Variants in LAD1 observed in about 807,000 individuals in gnomAD.
LAD1 encodes ladinin-1.
In LAD1, 53 loss-of-function variants were observed where a neutral mutation model predicts 54.2. The observed-to-expected ratio is 0.98, with a 90% CI of 0.78 to 1.23. The LOEUF (loss-of-function observed/expected upper bound fraction) is 1.23. Ranked by LOEUF, LAD1 falls within the 50% of genes most tolerant of loss-of-function variation. The probability of loss-of-function intolerance (pLI) is 0.00; values close to 1 mark genes in which losing one functional copy is unlikely to be tolerated. For missense variants in LAD1, 637 were observed against 653.3 expected, an observed-to-expected ratio of 0.98 and a Z score of 0.27; for synonymous variants, 231 against 257.7, an observed-to-expected ratio of 0.90 and a Z score of 0.99.
Position 201,386,466 on chromosome 1 carries a change from C to CA in LAD1, c.894dup (p.Gly299TrpfsTer132). 2 of 1,550,446 alleles carry CA rather than the reference C, an allele frequency of 1.3e-6. No individual in the cohort carries two copies. The highest frequency in any genetic ancestry group is 1.7e-6 in the Non-Finnish European group (2 of 1,154,514). On this transcript the variant is annotated frameshift_variant, in exon 3 of 10. Coordinates refer to ENST00000391967, the MANE Select transcript of LAD1 (RefSeq NM_005558.4). LOFTEE classifies it high-confidence loss of function. ...TCCTTGGTGGTGGCTGGGCTTCCCC[C>CA]AGAGGCTGGCGGCTCCTGCGCCAGG... is the stretch of plus-strand genomic sequence containing the variant.
In LAD1 at chr1:201,381,685, C is replaced by A; in HGVS notation, c.*203G>T. On this transcript the variant is annotated 3_prime_UTR_variant, in exon 10 of 10. Transcript: ENST00000391967. Reference sequence around the variant, plus strand: ...TGTGCCTGCCGCAGGGTGAGAAAGTCCCAGCCCCAAGAGGCTGGGCTGGGA... The same window carrying A: ...TGTGCCTGCCGCAGGGTGAGAAAGTACCAGCCCCAAGAGGCTGGGCTGGGA... The A allele has an allele frequency of 3.0e-6, 2 of 658,902 alleles. No individual in the cohort carries two copies. Among genetic ancestry groups the A allele is most frequent in the Non-Finnish European group, 2.8e-6 (1 of 360,994 alleles). The allele number at this position is 658,902 out of a possible 1,614,324, so 40.8% of individuals were successfully genotyped here.
At chr1:201,388,844 C>G (rs1662143663) in intron 2 of LAD1, among the ~76,000 whole-genome samples, 1 of 152,212 alleles carries the variant, frequency 6.6e-6, no homozygotes, top group Non-Finnish European at 1.5e-5. Flanking sequence ...CTTTTCAACC[C>G]TGTTACTCCA....
At chr1:201,392,780 G>A (rs1300146549) in intron 1 of LAD1, among the ~76,000 whole-genome samples, 1 of 151,562 alleles carries the variant, frequency 6.6e-6, no homozygotes, top group Non-Finnish European at 1.5e-5. Flanking sequence ...AATCTCTCTG[G>A]CTGCTGTATG....
chr1:201,391,699 C>T (rs181991779), intron 1 of LAD1, among the ~76,000 whole-genome samples: 14 of 152,286 alleles, frequency 9.2e-5, no homozygotes, highest in Admixed American at 9.2e-4. Context: ...AGAGATGAAC[C>T]GGGCTGCATC....
intron 9 of LAD1, 90 bp downstream of exon 9, chr1:201,382,162 C>A: frequency 8.7e-7 from 1 of 1,146,604 alleles, no homozygotes; most frequent in Non-Finnish European, 1.3e-6. Flanking sequence ...CGATTGCAGG[C>A]CAATTAGTGT....
chr1:201,385,911 T>A (rs959391663), intron 3 of LAD1, 106 bp from the exon 4 acceptor site: 26 of 817,606 alleles, frequency 3.2e-5, no homozygotes, highest in Non-Finnish European at 5.1e-5. Flanking sequence ...GAGGGGAGAA[T>A]GAGACAGCCC....
chr1:201,390,283 C>T (rs1028032015), intron 1 of LAD1, among the ~76,000 whole-genome samples: 4 of 151,056 alleles, frequency 2.6e-5, no homozygotes, highest in Non-Finnish European at 5.9e-5. Flanking sequence ...CGGTGGCTCA[C>T]ACCTGTAATC....
rs1661960001 is a variant in LAD1 at position 201,381,574 on chromosome 1, A to G, written c.*314T>C. ...ACTGTGGATGTGAGCAGGAAGGAGCAGAGGTCTCTGGGCAGGACATAGGCC... is the reference window on the plus strand; with the variant it reads ...ACTGTGGATGTGAGCAGGAAGGAGCGGAGGTCTCTGGGCAGGACATAGGCC... On this transcript the variant is annotated 3_prime_UTR_variant, in exon 10 of 10. Transcript: ENST00000391967. 1 of 463,466 alleles carries G rather than the reference A, an allele frequency of 2.2e-6. No homozygotes were observed. The highest frequency in any genetic ancestry group is 2.0e-5 in the African/African-American group (1 of 49,912). 28.7% of individuals were successfully genotyped at this position (463,466 alleles called of 1,614,324 possible).
intron 8 of LAD1, 125 bp downstream of exon 8, chr1:201,382,526 CCT>C: frequency 1.3e-6 from 1 of 773,348 alleles, no homozygotes; most frequent in Non-Finnish European, 2.0e-6. Flanking sequence ...TGAAATGACT[CCT>C]CCTCTCCCGA....
chr1:201,388,920 A>G (rs1348523483), intron 2 of LAD1, among the ~76,000 whole-genome samples: 3 of 152,204 alleles, frequency 2.0e-5, no homozygotes, highest in African/African-American at 4.8e-5. Context: ...AGCTATGGCC[A>G]TAAAATGTCC....
chr1:201,396,151 C>T (rs968509512), intron 1 of LAD1, among the ~76,000 whole-genome samples: 9 of 152,202 alleles, frequency 5.9e-5, no homozygotes, highest in South Asian at 4.1e-4. Context: ...CGAACAGCTG[C>T]GGAGGCTCAG....
Position 201,381,817 on chromosome 1 carries a change from G to A in LAD1, c.*71C>T. ...CAATGAGAGGAAAGGGTGCTGCTGT[G>A]AGAGGCAGGGGCCTGGCATGAGGGA... On this transcript the variant is annotated 3_prime_UTR_variant, in exon 10 of 10. Transcript: ENST00000391967. 2.6e-6 allele frequency: 4 copies of A among 1,516,240 alleles called. No individual in the cohort carries two copies. The highest frequency in any genetic ancestry group is 3.7e-6 in the Non-Finnish European group (4 of 1,090,816). The allele number at this position is 1,516,240 out of a possible 1,614,324, so 93.9% of individuals were successfully genotyped here.
In LAD1 at chr1:201,386,924, A is replaced by G; in HGVS notation, c.437T>C (p.Leu146Pro). 1 of 1,613,384 alleles carries G rather than the reference A, an allele frequency of 6.2e-7. No individual in the cohort carries two copies. Among genetic ancestry groups the G allele is most frequent in the Non-Finnish European group, 8.5e-7 (1 of 1,179,876 alleles). Residue 146 changes from leucine to proline, a missense_variant, in exon 3 of 10, where the codon CTG becomes CCG. Leu to Pro is a moderately conservative substitution (Grantham distance 98). Transcript: ENST00000391967. The stretch of plus-strand genomic sequence containing the variant: ...CCAGGGGCCCCGCTGTTCCCGACTC[A>G]GTCTCCGGCGAGGTGGGATTTCCAG... ...KELEIPPRRRLSREQRGPWAL... is the reference protein window; with the variant it reads ...KELEIPPRRRPSREQRGPWAL...
At chr1:201,391,813 C>T (rs1349279774) in intron 1 of LAD1, among the ~76,000 whole-genome samples, 3 of 152,118 alleles carry the variant, frequency 2.0e-5, no homozygotes, top group African/African-American at 2.4e-5. Context: ...AGCTTCACCC[C>T]GGGAGACAGG....
chr1:201,397,913 T>C (rs1662329139), intron 1 of LAD1, among the ~76,000 whole-genome samples: 1 of 152,140 alleles, frequency 6.6e-6, no homozygotes, highest in South Asian at 2.1e-4. Flanking sequence ...CTGACCCACA[T>C]GCAAAGTCCA....
chr1:201,381,637 A>T lies in LAD1; in HGVS notation c.*251T>A. 1 of 591,992 alleles carries T rather than the reference A, an allele frequency of 1.7e-6. No homozygotes were observed. Among genetic ancestry groups the T allele is most frequent in the Non-Finnish European group, 3.1e-6 (1 of 327,678 alleles). The allele number at this position is 591,992 out of a possible 1,614,324, so 36.7% of individuals were successfully genotyped here. A position where few individuals can be genotyped will look rare whatever the true frequency, so the allele number is the denominator to read the frequency against. ...TGTGCACTTGTGCTGTGACCTGGGCAGAGACTGGGTCCCAGCATCTGTTGT... is the reference window on the plus strand; with the variant it reads ...TGTGCACTTGTGCTGTGACCTGGGCTGAGACTGGGTCCCAGCATCTGTTGT... On this transcript the variant is annotated 3_prime_UTR_variant, in exon 10 of 10. Coordinates refer to ENST00000391967, the MANE Select transcript of LAD1 (RefSeq NM_005558.4).
rs1465499831 is a variant in LAD1, at chr1:201,386,714, T to A, written c.647A>T (p.Glu216Val). 12 of 1,614,096 alleles carry A rather than the reference T, an allele frequency of 7.4e-6. No homozygotes were observed. The highest frequency in any genetic ancestry group is 1.0e-5 in the Non-Finnish European group (12 of 1,180,038). ...VLASEKTSLSEKIAVSEKRNS... is the reference protein window; with the variant it reads ...VLASEKTSLSVKIAVSEKRNS... Reference sequence around the variant, plus strand: ...TCTTTTCTCTGACACTGCTATCTTCTCTGATAGAGATGTCTTCTCTGAGGC... The same window carrying A: ...TCTTTTCTCTGACACTGCTATCTTCACTGATAGAGATGTCTTCTCTGAGGC... Residue 216 changes from glutamate to valine, a missense_variant, in exon 3 of 10, where the codon GAG becomes GTG. Coordinates refer to ENST00000391967, the MANE Select transcript of LAD1 (RefSeq NM_005558.4).
At chr1:201,392,105 C>G (rs1353427728) in intron 1 of LAD1, among the ~76,000 whole-genome samples, 3 of 152,258 alleles carry the variant, frequency 2.0e-5, no homozygotes, top group Admixed American at 6.5e-5. Context: ...GTCAGGTGAT[C>G]TGGTTTCTAG....
intron 1 of LAD1, among the ~76,000 whole-genome samples, chr1:201,398,597 G>C (rs1054894357): frequency 2.0e-5 from 3 of 152,134 alleles, no homozygotes; most frequent in Admixed American, 6.5e-5. Flanking sequence ...CAGGCCTCTC[G>C]GACCCTGATG....
Sources: gnomAD v4.1 joint callset for allele counts (sites outside exome capture counted in the v4.1 genomes callset) on GRCh38, gnomAD v4.1.1 for gene constraint, MANE v1.5 for transcripts, NCBI Gene and HGNC (gene_info 2026-07-23, HGNC 2026-07-21) for gene names.